The following PHACTR1 variants were observed in gnomAD, a reference collection of about 807,000 sequenced individuals.
PHACTR1 encodes the protein phosphatase and actin regulator 1, also known as RPEL repeat containing 1.
In PHACTR1, 16 loss-of-function variants were observed where a neutral mutation model predicts 69.2. That is an observed-to-expected ratio of 0.23 (90% confidence interval 0.16 to 0.35). PHACTR1 has a LOEUF of 0.35. Ranked by LOEUF, PHACTR1 falls within the 10% of genes least tolerant of loss-of-function variation. The pLI is 1.00. For missense variants in PHACTR1, 510 were observed against 734.7 expected, an observed-to-expected ratio of 0.69 and a Z score of 3.54; for synonymous variants, 312 against 284.5, an observed-to-expected ratio of 1.10 and a Z score of -0.97.
intron 5 of PHACTR1, among the ~76,000 whole-genome samples, chr6:13,151,674 A>G (rs865980007): frequency 6.6e-6 from 1 of 152,228 alleles, no homozygotes; most frequent in African/African-American, 2.4e-5. Context: ...CCATTTGATA[A>G]GTTAGAGGAA....
intron 5 of PHACTR1, among the ~76,000 whole-genome samples, chr6:13,124,826 T>C (rs1034738223): frequency 6.6e-6 from 1 of 152,230 alleles, no homozygotes; most frequent in Non-Finnish European, 1.5e-5. Flanking sequence ...CTGGTGTCTC[T>C]TCTTATAAGT....
chr6:13,008,999 G>T (rs1453774875), intron 4 of PHACTR1, among the ~76,000 whole-genome samples: 5 of 152,158 alleles, frequency 3.3e-5, no homozygotes, highest in African/African-American at 4.8e-5. Context: ...CTCTTGGGGA[G>T]AGTCTGTTCC....
At chr6:12,930,475 A>G (rs1788747558) in intron 4 of PHACTR1, among the ~76,000 whole-genome samples, 1 of 152,206 alleles carries the variant, frequency 6.6e-6, no homozygotes, top group Admixed American at 6.5e-5. Flanking sequence ...TTGTGCTGTT[A>G]TAACAGAATT....
Position 13,026,927 on chromosome 6 carries a change from T to A in PHACTR1, c.251-26438T>A, listed in dbSNP as rs112107456. Among the ~76,000 whole-genome samples the A allele has an allele frequency of 9.7e-3, 1,480 of 151,806 alleles. 19 individuals are homozygous for A. Among genetic ancestry groups the A allele is most frequent in the African/African-American group, 0.034 (1,408 of 41,368 alleles). On this transcript the variant is annotated intron_variant, in intron 4 of 14. Coordinates refer to ENST00000332995, the MANE Select transcript of PHACTR1 (RefSeq NM_030948.6). Reference sequence around the variant, plus strand: ...CCTGTCAAAAAAATAAAAATAAAAATAAAAAATAAAAAAAATAATAACAAG... The same window carrying A: ...CCTGTCAAAAAAATAAAAATAAAAAAAAAAAATAAAAAAAATAATAACAAG...
intron 4 of PHACTR1, among the ~76,000 whole-genome samples, chr6:12,867,118 G>A (rs949230252): frequency 6.6e-6 from 1 of 152,072 alleles, no homozygotes; most frequent in Admixed American, 6.5e-5. Flanking sequence ...AGCGAAGGGG[G>A]GTTTGCAACA....
At chr6:13,154,108 C>T (rs925801248) in intron 5 of PHACTR1, among the ~76,000 whole-genome samples, 10 of 152,144 alleles carry the variant, frequency 6.6e-5, no homozygotes, top group Non-Finnish European at 1.0e-4. Context: ...AAATGGTTTA[C>T]ACTGAAGCAT....
chr6:12,814,709 CA>C (rs1045400561), intron 4 of PHACTR1, among the ~76,000 whole-genome samples: 14 of 150,874 alleles, frequency 9.3e-5, no homozygotes, highest in Non-Finnish European at 1.9e-4. Flanking sequence ...GAAAAAAAAA[CA>C]AAAAAAGCTA....
intron 5 of PHACTR1, among the ~76,000 whole-genome samples, chr6:13,113,785 A>G (rs996140234): frequency 1.3e-5 from 2 of 152,188 alleles, no homozygotes; most frequent in Non-Finnish European, 2.9e-5. Context: ...AAACTATTTT[A>G]CAATTATGAG....
At chr6:12,928,409 T>C (rs1183882963) in intron 4 of PHACTR1, among the ~76,000 whole-genome samples, 1 of 152,148 alleles carries the variant, frequency 6.6e-6, no homozygotes, top group Non-Finnish European at 1.5e-5. Context: ...AATTAACCCC[T>C]AGGGTTCTAG....
At chr6:13,023,550 G>T (rs554159935) in intron 4 of PHACTR1, among the ~76,000 whole-genome samples, 2 of 152,170 alleles carry the variant, frequency 1.3e-5, no homozygotes, top group African/African-American at 4.8e-5. Context: ...AAAAGTTCCC[G>T]TTCTTTCGTT....
At chr6:13,226,574 G>A (rs1298403945) in intron 8 of PHACTR1, among the ~76,000 whole-genome samples, 5 of 152,012 alleles carry the variant, frequency 3.3e-5, no homozygotes, top group Non-Finnish European at 5.9e-5. Context: ...ATTTAACTAT[G>A]GTTTCTGGCT....
At chr6:12,850,226 C>T (rs1025527180) in intron 4 of PHACTR1, among the ~76,000 whole-genome samples, 1 of 152,212 alleles carries the variant, frequency 6.6e-6, no homozygotes, top group African/African-American at 2.4e-5. Flanking sequence ...GTCACAACTT[C>T]CAAGAAGCCA....
rs573564711 is a variant in PHACTR1 at position 12,939,713 on chromosome 6, G to C, written c.251-113652G>C. On this transcript the variant is annotated intron_variant, in intron 4 of 14. Transcript: ENST00000332995. ...AGAGAACCGAGACCCCAGGAGCTAG[G>C]GGGGGCCAGAGGTGCCCCACTAGTC... 5.3e-4 allele frequency among the ~76,000 whole-genome samples: 80 copies of C among 152,128 alleles called. No homozygotes were observed. In the South Asian group the frequency reaches 0.016, roughly 30 times the overall value.
intron 4 of PHACTR1, among the ~76,000 whole-genome samples, chr6:12,931,391 A>G (rs984339395): frequency 2.0e-5 from 3 of 152,188 alleles, no homozygotes; most frequent in Admixed American, 2.0e-4. Flanking sequence ...TGTAGTTATA[A>G]GCACAATAGC....
At chr6:12,913,299 G>A (rs1470662782) in intron 4 of PHACTR1, among the ~76,000 whole-genome samples, 1 of 152,162 alleles carries the variant, frequency 6.6e-6, no homozygotes, top group African/African-American at 2.4e-5. Flanking sequence ...TGTGTCCCAA[G>A]AGCACTTAAA....
chr6:12,907,432 T>C (rs1785865638), intron 4 of PHACTR1, among the ~76,000 whole-genome samples: 2 of 152,238 alleles, frequency 1.3e-5, no homozygotes, highest in East Asian at 3.8e-4. Flanking sequence ...GTGTCTTTTA[T>C]TTCTATGTAG....
intron 4 of PHACTR1, among the ~76,000 whole-genome samples, chr6:13,023,581 A>C (rs916895675): frequency 2.6e-5 from 4 of 152,234 alleles, no homozygotes; most frequent in African/African-American, 9.6e-5. Context: ...GGACTGTGAC[A>C]TTCTGCTTCC....
intron 5 of PHACTR1, among the ~76,000 whole-genome samples, chr6:13,123,953 A>G (rs1473273487): frequency 6.6e-6 from 1 of 152,160 alleles, no homozygotes; most frequent in Non-Finnish European, 1.5e-5. Flanking sequence ...CCGAAGTCAG[A>G]CAGCCCAAGT....
intron 10 of PHACTR1, among the ~76,000 whole-genome samples, chr6:13,251,115 G>A (rs1774334073): frequency 6.6e-6 from 1 of 152,236 alleles, no homozygotes; most frequent in Non-Finnish European, 1.5e-5. Context: ...GAGAAGGGCA[G>A]CTTTCAGGGC....
Sources: allele counts gnomAD v4.1 joint callset (sites outside exome capture counted in the v4.1 genomes callset), GRCh38; gene constraint gnomAD v4.1.1; transcripts MANE v1.5; gene names NCBI Gene and HGNC (gene_info 2026-07-23, HGNC 2026-07-21).